IQCN: variants seen among roughly 807,000 people sequenced by gnomAD.
IQCN encodes IQ domain-containing protein N.
A neutral mutation model predicts 64.4 loss-of-function variants in IQCN; 46 were observed. That is an observed-to-expected ratio of 0.71 (90% CI 0.56 to 0.91). IQCN has a LOEUF of 0.91. Ranked by LOEUF, IQCN falls within the 40% of genes least tolerant of loss-of-function variation. The probability of loss-of-function intolerance (pLI) is 0.00; values close to 1 mark genes in which losing one functional copy is unlikely to be tolerated. For missense variants in IQCN, 1,753 were observed against 1,857.4 expected (o/e 0.94, Z 1.03); for synonymous variants, 733 against 775.6 (o/e 0.95, Z 0.91).
In IQCN at chr19:18,265,616, C is replaced by T. The variant is rs1301097479; in HGVS notation, c.1924G>A (p.Asp642Asn). 2 of 1,614,014 alleles carry T rather than the reference C, an allele frequency of 1.2e-6. No individual in the cohort carries two copies. The highest frequency in any genetic ancestry group is 2.2e-5 in the East Asian group (1 of 44,880). Reference sequence around the variant, plus strand: ...GGCACATACACGTGAGGTGGCTTGTCCCCTTCCTCAGCAACTTTTGTCCAG... The same window carrying T: ...GGCACATACACGTGAGGTGGCTTGTTCCCTTCCTCAGCAACTTTTGTCCAG... ...PSWTKVAEEG[D>N]KPPHVYVPVD... The change falls in exon 3 of 4, where the codon GAC (aspartate) becomes AAC (asparagine). Residue 642 changes from aspartate (D) to asparagine (N), a missense_variant. Asp to Asn is a conservative substitution (Grantham distance 23). Transcript: ENST00000392413. This position sits in a 1 kb window ranked among gnomAD's most constrained non-coding sequence, Gnocchi z 4.7.
chr19:18,263,362 G>T (rs1969472459), intron 3 of IQCN, among the ~76,000 whole-genome samples: 1 of 152,192 alleles, frequency 6.6e-6, no homozygotes, highest in South Asian at 2.1e-4. Context: ...CGATCCTGTG[G>T]CAAACCACCT....
intron 3 of IQCN, among the ~76,000 whole-genome samples, chr19:18,263,536 G>T (rs1459721873): frequency 6.6e-6 from 1 of 152,202 alleles, no homozygotes; most frequent in East Asian, 1.9e-4. Context: ...AACAGACCAT[G>T]AGTCTTGGAT....
chr19:18,270,579 A>G (rs750255079), intron 1 of IQCN, among the ~76,000 whole-genome samples: 10 of 152,042 alleles, frequency 6.6e-5, no homozygotes, highest in Admixed American at 1.3e-4. Context: ...GGATCATTTG[A>G]GGCCAGGAGG....
At position 18,264,461 on chromosome 19, in the gene IQCN, C is replaced by T. The variant is rs1037275770; in HGVS notation, c.3079G>A (p.Val1027Met). 6.4e-7 allele frequency: 1 copy of T among 1,551,386 alleles called. No individual in the cohort carries two copies. The highest frequency in any genetic ancestry group is 1.4e-5 in the African/African-American group (1 of 73,178). Residue 1027 changes from valine (V) to methionine (M), a missense_variant, in exon 3 of 4, where the codon GTG (valine) becomes ATG (methionine). By Grantham distance (21) the Val-to-Met change is conservative (BLOSUM62 1). Transcript: ENST00000392413. The surrounding 1 kb of genome is among the most constrained non-coding windows in gnomAD (Gnocchi z 4.3). ...KAASKSTGSG[V>M]TKTPALVKVA... ...TTCACCAGGGCCGGCGTCTTAGTCACCCCGCTTCCTGTTGATTTCGAGGCG... is the reference window on the plus strand; with the variant it reads ...TTCACCAGGGCCGGCGTCTTAGTCATCCCGCTTCCTGTTGATTTCGAGGCG...
chr19:18,269,580 GC>G lies in IQCN; in HGVS notation c.-103del. The G allele has an allele frequency of 1.8e-6, 2 of 1,135,282 alleles. No individual in the cohort carries two copies. Among genetic ancestry groups the G allele is most frequent in the Non-Finnish European group, 2.6e-6 (2 of 767,932 alleles). The allele number at this position is 1,135,282 out of a possible 1,614,324, so 70.3% of individuals were successfully genotyped here. ...CATCCATGCAATATGCAGCAACACTGCCCTGGGCTGGCTCAAGACCAACACA... is the reference window on the plus strand; with the variant it reads ...CATCCATGCAATATGCAGCAACACTGCCTGGGCTGGCTCAAGACCAACACA... On this transcript the variant is annotated 5_prime_UTR_variant, in exon 2 of 4. Coordinates refer to ENST00000392413, the MANE Select transcript of IQCN (RefSeq NM_001145304.2).
Position 18,267,312 on chromosome 19 carries a change from G to T in IQCN, c.228C>A (p.Ser76=), listed in dbSNP as rs751235149. 6.2e-7 allele frequency: 1 copy of T among 1,614,124 alleles called. No individual in the cohort carries two copies. The highest frequency in any genetic ancestry group is 1.3e-5 in the African/African-American group (1 of 74,956). ...PQQPAEGKTA[S]RRVPRLRAVV... is the part of the protein sequence containing the mutation. Reference sequence around the variant, plus strand: ...CAGCCCGGAGGCGTGGGACGCGGCGGGACGCCGTCTTGCCTTCGGCAGGCT... The same window carrying T: ...CAGCCCGGAGGCGTGGGACGCGGCGTGACGCCGTCTTGCCTTCGGCAGGCT... Residue 76 remains serine (S), a synonymous_variant, in exon 3 of 4, where the codon TCC becomes TCA. Coordinates refer to ENST00000392413, the MANE Select transcript of IQCN (RefSeq NM_001145304.2).
In IQCN at chr19:18,269,532, AGAG is replaced by A. The variant is rs766551346; in HGVS notation, c.-57_-55del. 5.0e-6 allele frequency: 8 copies of A among 1,602,722 alleles called. No individual in the cohort carries two copies. The highest frequency in any genetic ancestry group is 1.3e-5 in the African/African-American group (1 of 74,732). ...GTGCAATCTCAGAAGCCAGCCTGCA[AGAG>A]GAGGCAGCCTTCAGCCTTTCATCCA... is the stretch of plus-strand genomic sequence containing the variant. On this transcript the variant is annotated 5_prime_UTR_variant, in exon 2 of 4. Coordinates refer to ENST00000392413, the MANE Select transcript of IQCN (RefSeq NM_001145304.2).
chr19:18,267,226 C>T lies in IQCN; in HGVS notation c.314G>A (p.Arg105His), dbSNP rs141936844. The T allele has an allele frequency of 3.5e-5, 56 of 1,614,120 alleles. No homozygotes were observed. The highest frequency in any genetic ancestry group is 6.7e-5 in the African/African-American group (5 of 74,954). The change falls in exon 3 of 4, where the codon CGT becomes CAT. Residue 105 changes from arginine to histidine, a missense_variant. By Grantham distance (29) the Arg-to-His change is conservative. Transcript: ENST00000392413. The part of the protein sequence containing the change: ...LVDEMDMMHA[R>H]AATLIQANWR... ...GTTGGCTTGGATGAGCGTGGCTGCA[C>T]GGGCGTGCATCATGTCCATCTCGTC...
intron 1 of IQCN, among the ~76,000 whole-genome samples, chr19:18,271,187 A>C (rs1969727906): frequency 6.6e-6 from 1 of 150,412 alleles, no homozygotes; most frequent in East Asian, 2.0e-4. Context: ...AAAAAAAAAA[A>C]AACCAGGCGC....
At chr19:18,263,471 A>C (rs1266422875) in intron 3 of IQCN, among the ~76,000 whole-genome samples, 1 of 152,212 alleles carries the variant, frequency 6.6e-6, no homozygotes, top group Non-Finnish European at 1.5e-5. Flanking sequence ...TCCCCTGTCC[A>C]CAGACAGATG....
Position 18,265,617 on chromosome 19 carries a change from C to T in IQCN, c.1923G>A (p.Gly641=), listed in dbSNP as rs1969548608. ...APSWTKVAEE[G]DKPPHVYVPV... ...GCACATACACGTGAGGTGGCTTGTC[C>T]CCTTCCTCAGCAACTTTTGTCCAGG... The change falls in exon 3 of 4, where the codon GGG becomes GGA. Residue 641 remains glycine (G), a synonymous_variant. Coordinates refer to ENST00000392413, the MANE Select transcript of IQCN (RefSeq NM_001145304.2). This position sits in a 1 kb window ranked among gnomAD's most constrained non-coding sequence, Gnocchi z 4.7. 5.6e-6 allele frequency: 9 copies of T among 1,613,988 alleles called. No homozygotes were observed. Among genetic ancestry groups the T allele is most frequent in the Non-Finnish European group, 7.6e-6 (9 of 1,179,972 alleles).
Position 18,265,825 on chromosome 19 carries a change from G to C in IQCN, c.1715C>G (p.Pro572Arg). ...QAAKVVKASSPSYLAEGKIRC... is the reference protein window; with the variant it reads ...QAAKVVKASSRSYLAEGKIRC... ...GATCTTCCCCTCAGCCAAATAGGAG[G>C]GGGATGAGGCTTTCACCACCTTTGC... Residue 572 changes from proline to arginine, a missense_variant, in exon 3 of 4, where the codon CCC (proline) becomes CGC (arginine). Pro to Arg is a moderately radical substitution (Grantham distance 103). Coordinates refer to ENST00000392413, the MANE Select transcript of IQCN (RefSeq NM_001145304.2). The surrounding 1 kb of genome is among the most constrained non-coding windows in gnomAD (Gnocchi z 4.7). 6 of 1,614,164 alleles carry C rather than the reference G, an allele frequency of 3.7e-6. No homozygotes were observed. Among genetic ancestry groups the C allele is most frequent in the Non-Finnish European group, 5.1e-6 (6 of 1,180,018 alleles).
chr19:18,257,914 C>T lies in IQCN; in HGVS notation c.3370G>A (p.Val1124Ile), dbSNP rs1163731555. Residue 1124 changes from valine (V) to isoleucine (I), a missense_variant, in exon 4 of 4, where the codon GTC (valine) becomes ATC (isoleucine). Coordinates refer to ENST00000392413, the MANE Select transcript of IQCN (RefSeq NM_001145304.2). The stretch of plus-strand genomic sequence containing the variant: ...CTGCGACGCGCCAGGTAGCCACGGA[C>T]GCCCGCCTGGATAGTGATCACTGCG... ...ILAVITIQAG[V>I]RGYLARRRIR... The T allele has an allele frequency of 7.4e-6, 12 of 1,612,686 alleles. No homozygotes were observed. Among genetic ancestry groups the T allele is most frequent in the Admixed American group, 6.7e-5 (4 of 60,008 alleles).
chr19:18,266,098 G>A lies in IQCN; in HGVS notation c.1442C>T (p.Ser481Phe). ...CLSATMSKTS[S>F]QRSPVGVTKP... ...GGTCACCCCAACTGGGCTCCTCTGGGATGAAGTCTTGGACATTGTGGCTGA... is the reference window on the plus strand; with the variant it reads ...GGTCACCCCAACTGGGCTCCTCTGGAATGAAGTCTTGGACATTGTGGCTGA... The change falls in exon 3 of 4, where the codon TCC becomes TTC. Residue 481 changes from serine to phenylalanine, a missense_variant. By Grantham distance (155) the Ser-to-Phe change is radical (BLOSUM62 -2). Transcript: ENST00000392413. This position sits in a 1 kb window ranked among gnomAD's most constrained non-coding sequence, Gnocchi z 4.3. 3.7e-6 allele frequency: 6 copies of A among 1,614,074 alleles called. No homozygotes were observed. Among genetic ancestry groups the A allele is most frequent in the Non-Finnish European group, 5.1e-6 (6 of 1,180,002 alleles).
chr19:18,271,328 G>A (rs1438482073), intron 1 of IQCN, among the ~76,000 whole-genome samples: 2 of 151,894 alleles, frequency 1.3e-5, no homozygotes, highest in East Asian at 3.9e-4. Context: ...AAATTAGCCA[G>A]GTATGATGGC....
At chr19:18,271,423 T>G (rs142700752) in intron 1 of IQCN, among the ~76,000 whole-genome samples, 134 of 145,506 alleles carry the variant, frequency 9.2e-4, no homozygotes, top group Middle Eastern at 3.5e-3. Flanking sequence ...TGAGCTGAGA[T>G]CATACCATTG....
In IQCN at chr19:18,257,742, C is replaced by T. The variant is rs147110090; in HGVS notation, c.3542G>A (p.Arg1181Gln). The T allele has an allele frequency of 3.7e-3, 5,915 of 1,610,892 alleles. 20 individuals are homozygous for T. Among genetic ancestry groups the T allele is most frequent in the Non-Finnish European group, 4.4e-3 (5,214 of 1,178,832 alleles). The stretch of plus-strand genomic sequence containing the variant: ...GACGGGGTGGAGCATCTGCCAGTGC[C>T]GGGCTTGGTCCCGGCGGGTGCTGTA... ...RGYSTRRDQA[R>Q]HWQMLHPVTW... Residue 1181 changes from arginine (R) to glutamine (Q), a missense_variant, in exon 4 of 4, where the codon CGG (arginine) becomes CAG (glutamine). Transcript: ENST00000392413.
intron 1 of IQCN, among the ~76,000 whole-genome samples, chr19:18,273,440 G>A (rs1004443709): frequency 6.6e-6 from 1 of 152,140 alleles, no homozygotes; most frequent in Non-Finnish European, 1.5e-5. Context: ...AGGTTCAAGC[G>A]ATTCTCCTGC....
intron 2 of IQCN, chr19:18,267,780 C>CT: frequency 2.8e-6 from 1 of 354,038 alleles, no homozygotes; most frequent in Non-Finnish European, 4.9e-6. Context: ...ACCTGCTTTT[C>CT]TTTTTTCTTT....
Sources: allele counts gnomAD v4.1 joint callset (sites outside exome capture counted in the v4.1 genomes callset), GRCh38; gene constraint gnomAD v4.1.1; non-coding constraint Gnocchi (gnomAD v3.1); transcripts MANE v1.5; gene names NCBI Gene and HGNC (gene_info 2026-07-23, HGNC 2026-07-21).